Variants in RPS7 observed in about 807,000 individuals in gnomAD.
RPS7 encodes ribosomal protein S7.
Under a neutral mutation model 22.1 loss-of-function variants are expected in RPS7, and 1 was observed. The ratio of observed to expected loss-of-function variants is 0.05; its 90% CI spans 0.02 to 0.21. The LOEUF is 0.21. RPS7 is among the 10% of genes least tolerant of loss of function. The pLI, the probability that RPS7 is intolerant of heterozygous loss-of-function variation, is 1.00. For synonymous variants in RPS7, 80 were observed against 92.0 expected (o/e 0.87, Z 0.74); for missense variants, 137 against 246.4 (o/e 0.56, Z 2.97).
intron 5 of RPS7, chr2:3,579,884 A>C: frequency 3.4e-6 from 2 of 596,052 alleles, no homozygotes; most frequent in Non-Finnish European, 3.0e-6. Context: ...TAACATTTAA[A>C]ATTGACTGAG....
chr2:3,577,392 A>C, intron 4 of RPS7: 1 of 330,186 alleles, frequency 3.0e-6, no homozygotes, highest in East Asian at 6.7e-5. Context: ...ACTGAAGTCT[A>C]TGGGGAATGA....
intron 5 of RPS7, chr2:3,578,729 T>TTTA (rs1661339229): frequency 6.6e-6 from 1 of 152,196 alleles, no homozygotes; most frequent in African/African-American, 2.4e-5. Flanking sequence ...ATCATGACAC[T>TTTA]TAAAGAGGGT....
rs1277613400 is a variant in RPS7 at position 3,576,120 on chromosome 2, T to C, written c.147+232T>C. On this transcript the variant is annotated intron_variant, in intron 3 of 6. Transcript: ENST00000645674. ...ATGCGGGCGGTGGAGAAACGTGGAGTAGGGAGGGCCTGGGCCCATTTCGGA... is the reference window on the plus strand; with the variant it reads ...ATGCGGGCGGTGGAGAAACGTGGAGCAGGGAGGGCCTGGGCCCATTTCGGA... 4.9e-6 allele frequency: 3 copies of C among 608,912 alleles called. No homozygotes were observed. In the African/African-American group the frequency reaches 5.6e-5, roughly 11 times the overall value. 37.7% of individuals were successfully genotyped at this position (608,912 alleles called of 1,614,324 possible). A position where few individuals can be genotyped will look rare whatever the true frequency, so the allele number is the denominator to read the frequency against.
At position 3,580,902 on chromosome 2, in the gene RPS7, AAG is replaced by A; in HGVS notation, c.*21_*22del. The stretch of plus-strand genomic sequence containing the variant: ...TTGTAAACAAAAATGACTAAATAAA[AAG>A]TATATATTCACAGTACTCTGTTTCA... On this transcript the variant is annotated 3_prime_UTR_variant, in exon 7 of 7. Coordinates refer to ENST00000645674, the MANE Select transcript of RPS7 (RefSeq NM_001011.4). 4.5e-6 allele frequency: 6 copies of A among 1,323,772 alleles called. No homozygotes were observed. The highest frequency in any genetic ancestry group is 2.3e-5 in the East Asian group (1 of 43,594). The allele number at this position is 1,323,772 out of a possible 1,614,324, so 82.0% of individuals were successfully genotyped here. A position where few individuals can be genotyped will look rare whatever the true frequency, so the allele number is the denominator to read the frequency against.
In RPS7 at chr2:3,575,621, G is replaced by A. The variant is rs1268724648; in HGVS notation, c.12G>A (p.Ser4=). The change falls in exon 2 of 7, where the codon TCG becomes TCA. Residue 4 remains serine, a synonymous_variant. Coordinates refer to ENST00000645674, the MANE Select transcript of RPS7 (RefSeq NM_001011.4). ...CCCAGGAGAAAGCCATGTTCAGTTC[G>A]AGCGCCAAGATCGTGAAGCCCAATG... MFS[S]SAKIVKPNGE... 1 of 1,611,086 alleles carries A rather than the reference G, an allele frequency of 6.2e-7. No individual in the cohort carries two copies. The highest frequency in any genetic ancestry group is 1.1e-5 in the South Asian group (1 of 90,990).
chr2:3,576,157 C>T (rs918993830), intron 3 of RPS7: 45 of 595,878 alleles, frequency 7.6e-5, no homozygotes, highest in African/African-American at 3.7e-4. Context: ...CTTATTTGCC[C>T]TTACTTAGTT....
rs545821071 is a variant in RPS7 at position 3,576,004 on chromosome 2, C to T, written c.147+116C>T. The stretch of plus-strand genomic sequence containing the variant: ...ATGACTTGCCGCCTGGCCGCCTAAC[C>T]TGAACTCAGGTTCGGCCGTGTTGTT... On this transcript the variant is annotated intron_variant, in intron 3 of 6. Transcript: ENST00000645674. 258 of 799,240 alleles carry T rather than the reference C, an allele frequency of 3.2e-4. 3 individuals are homozygous for T. The South Asian group carries it at 3.3e-3, about 10-fold the overall frequency. 49.5% of individuals were successfully genotyped at this position (799,240 alleles called of 1,614,324 possible). A position where few individuals can be genotyped will look rare whatever the true frequency, so the allele number is the denominator to read the frequency against.
In RPS7 at chr2:3,576,641, T is replaced by C; in HGVS notation, c.291+11T>C. 1.2e-6 allele frequency: 2 copies of C among 1,614,204 alleles called. No homozygotes were observed. Among genetic ancestry groups the C allele is most frequent in the South Asian group, 1.1e-5 (1 of 91,088 alleles). On this transcript the variant is annotated intron_variant, in intron 4 of 6. Transcript: ENST00000645674. ...GTCTTTATCGCTCAGGTATCTGTTC[T>C]ACTGTTGCAGCACGTTTCTGTTTGT...
Position 3,575,323 on chromosome 2 carries a change from G to T in RPS7, c.-46G>T, listed in dbSNP as rs1025504459. ...TTTGACGTGCTCTCGCGAGATTTGG[G>T]TCTCTTCCTAAGCCGGCGCTCGGCA... On this transcript the variant is annotated 5_prime_UTR_variant, in exon 1 of 7. Transcript: ENST00000645674. The T allele has an allele frequency of 1.0e-5, 5 of 497,400 alleles. No homozygotes were observed. Among genetic ancestry groups the T allele is most frequent in the African/African-American group, 4.1e-5 (2 of 48,706 alleles). 30.8% of individuals were successfully genotyped at this position (497,400 alleles called of 1,614,324 possible). A position where few individuals can be genotyped will look rare whatever the true frequency, so the allele number is the denominator to read the frequency against.
chr2:3,578,151 A>T (rs1188172372), intron 5 of RPS7: 1 of 184,364 alleles, frequency 5.4e-6, no homozygotes, highest in Non-Finnish European at 1.1e-5. Context: ...GAGGTAAAAA[A>T]ATGTAGGTGG....
rs922826398 is a variant in RPS7, at chr2:3,576,517, A to G, written c.178A>G (p.Ile60Val). The change falls in exon 4 of 7, where the codon ATC becomes GTC. Residue 60 changes from isoleucine to valine, a missense_variant. Physicochemically the swap from Ile to Val is conservative, Grantham distance 29 (BLOSUM62 3). This residue lies in a region of RPS7 where 63 missense variants were observed against 75.0 expected (regional missense o/e 0.84). Transcript: ENST00000645674. ...EIEVGGGRKA[I>V]IIFVPVPQLK... is the part of the protein sequence containing the mutation. ...TGAAGTTGGTGGTGGTCGGAAAGCTATCATAATCTTTGTTCCCGTTCCTCA... is the reference window on the plus strand; with the variant it reads ...TGAAGTTGGTGGTGGTCGGAAAGCTGTCATAATCTTTGTTCCCGTTCCTCA... 4.3e-6 allele frequency: 7 copies of G among 1,614,058 alleles called. No homozygotes were observed. The highest frequency in any genetic ancestry group is 5.9e-6 in the Non-Finnish European group (7 of 1,179,904).
At chr2:3,580,289 G>C (rs769107424) in intron 6 of RPS7, 29 bp downstream of exon 6, 1 of 1,608,760 alleles carries the variant, frequency 6.2e-7, no homozygotes. Context: ...ATCATGGAAA[G>C]GTTCAGCCAC....
intron 5 of RPS7, chr2:3,579,638 C>A: frequency 5.4e-6 from 1 of 184,394 alleles, no homozygotes; most frequent in Admixed American, 5.4e-5. Flanking sequence ...GAGCAAGATT[C>A]CACTGGCAGT....
chr2:3,576,362 C>G, intron 3 of RPS7, 125 bp from the exon 4 acceptor site: 2 of 851,578 alleles, frequency 2.3e-6, no homozygotes, highest in Non-Finnish European at 4.1e-6. Context: ...ATGATTAACT[C>G]AAAACTAGTA....
chr2:3,580,351 A>G, intron 6 of RPS7, 91 bp downstream of exon 6: 1 of 1,111,808 alleles, frequency 9.0e-7, no homozygotes, highest in Non-Finnish European at 1.4e-6. Context: ...CATAGCAATG[A>G]CTGTAGTAAA....
chr2:3,577,231 G>T (rs1460514683), intron 4 of RPS7: 1 of 175,758 alleles, frequency 5.7e-6, no homozygotes, highest in African/African-American at 2.4e-5. Flanking sequence ...AGCTACTCGG[G>T]AGGCTGAGGC....
At chr2:3,576,941 T>G in intron 4 of RPS7, 1 of 386,562 alleles carries the variant, frequency 2.6e-6, no homozygotes, top group Non-Finnish European at 4.9e-6. Context: ...ACAAGAAGTC[T>G]GTAAAGTGAC....
intron 3 of RPS7, chr2:3,576,206 A>G: frequency 1.7e-6 from 1 of 593,152 alleles, no homozygotes; most frequent in Non-Finnish European, 3.0e-6. Flanking sequence ...TCAGGATGAG[A>G]TTCTCTCTAC....
intron 5 of RPS7, 158 bp downstream of exon 5, chr2:3,577,932 C>G (rs1481418878): frequency 1.6e-6 from 1 of 628,990 alleles, no homozygotes; most frequent in East Asian, 2.7e-5. Flanking sequence ...TTTTAGAATT[C>G]TAGATGTAAA....
Sources: allele counts gnomAD v4.1 joint callset, GRCh38; gene constraint gnomAD v4.1.1; regional missense constraint gnomAD v4.1.1; transcripts MANE v1.5; gene names NCBI Gene and HGNC (gene_info 2026-07-23, HGNC 2026-07-21).